The following ENTHD1 variants were observed in gnomAD, a reference collection of about 807,000 sequenced individuals.
The protein encoded by ENTHD1 is ENTH domain containing 1, also known as ENTH domain-containing protein 1.
ENTHD1 carries 23 observed loss-of-function variants against 39.1 expected under a neutral mutation model. That is an observed-to-expected ratio of 0.59 (90% CI 0.42 to 0.83). The LOEUF (loss-of-function observed/expected upper bound fraction) is 0.83, where lower values mean the gene tolerates loss of function less well. ENTHD1 is among the 40% of genes least tolerant of loss of function. The pLI, the probability that ENTHD1 is intolerant of heterozygous loss-of-function variation, is 0.00. For missense variants in ENTHD1, 624 were observed against 705.4 expected (o/e 0.88, Z 1.31); for synonymous variants, 230 against 258.2 (o/e 0.89, Z 1.05).
intron 3 of ENTHD1, among the ~76,000 whole-genome samples, chr22:39,851,111 T>C (rs11703179): frequency 0.098 from 14,924 of 152,200 alleles, 845 homozygotes; most frequent in Middle Eastern, 0.13. Context: ...TACACAATTA[T>C]AGGCTGTTAT....
At chr22:39,765,922 A>G (rs1227447336) in intron 5 of ENTHD1, among the ~76,000 whole-genome samples, 1 of 149,540 alleles carries the variant, frequency 6.7e-6, no homozygotes, top group African/African-American at 2.5e-5. Context: ...TGAAACCACC[A>G]TATTTTTAGT....
chr22:39,890,391 T>G (rs1340183900), intron 1 of ENTHD1, among the ~76,000 whole-genome samples: 1 of 152,062 alleles, frequency 6.6e-6, no homozygotes, highest in Non-Finnish European at 1.5e-5. Flanking sequence ...CTTTTTTTCC[T>G]TCTACCAAAC....
chr22:39,797,146 A>G (rs539248917), intron 5 of ENTHD1, among the ~76,000 whole-genome samples: 2 of 152,294 alleles, frequency 1.3e-5, no homozygotes, highest in South Asian at 4.1e-4. Flanking sequence ...TTTTTGACTT[A>G]AAGTCTGTTT....
intron 6 of ENTHD1, among the ~76,000 whole-genome samples, chr22:39,763,517 C>T (rs1427305166): frequency 6.6e-6 from 1 of 152,148 alleles, no homozygotes; most frequent in Non-Finnish European, 1.5e-5. Flanking sequence ...TTTTCTTCAG[C>T]TTCTATTATC....
At chr22:39,783,359 C>T (rs887942741) in intron 5 of ENTHD1, among the ~76,000 whole-genome samples, 2 of 152,076 alleles carry the variant, frequency 1.3e-5, no homozygotes, top group Non-Finnish European at 2.9e-5. Context: ...CAATCCCTAT[C>T]AAAATATCAA....
chr22:39,892,145 C>G (rs1193763420), intron 1 of ENTHD1, among the ~76,000 whole-genome samples: 1 of 152,204 alleles, frequency 6.6e-6, no homozygotes, highest in Admixed American at 6.5e-5. Flanking sequence ...ATGAACCTCA[C>G]ATTAAAACTT....
At chr22:39,834,283 G>C (rs1021148157) in intron 4 of ENTHD1, among the ~76,000 whole-genome samples, 2 of 151,890 alleles carry the variant, frequency 1.3e-5, no homozygotes, top group Non-Finnish European at 2.9e-5. Context: ...AAAACTCAAT[G>C]GTAAAAAGAA....
chr22:39,786,621 C>T (rs182290858), intron 5 of ENTHD1, among the ~76,000 whole-genome samples: 5 of 152,210 alleles, frequency 3.3e-5, no homozygotes, highest in African/African-American at 1.2e-4. Flanking sequence ...TCTTTCAGTT[C>T]AGCTGTACAA....
chr22:39,784,102 T>C (rs770415835), intron 5 of ENTHD1, among the ~76,000 whole-genome samples: 2 of 151,942 alleles, frequency 1.3e-5, no homozygotes, highest in Non-Finnish European at 2.9e-5. Flanking sequence ...TAAACATTTC[T>C]CAAAAGAAGA....
chr22:39,770,611 G>A (rs974928366), intron 5 of ENTHD1, among the ~76,000 whole-genome samples: 3 of 152,104 alleles, frequency 2.0e-5, no homozygotes, highest in Admixed American at 2.0e-4. Flanking sequence ...GTATGTGTAT[G>A]ATAAACACAT....
At chr22:39,745,611 A>G (rs1409433937) in intron 6 of ENTHD1, among the ~76,000 whole-genome samples, 1 of 152,232 alleles carries the variant, frequency 6.6e-6, no homozygotes, top group South Asian at 2.1e-4. Context: ...TCATCAGCAC[A>G]TGGTCAAGAA....
intron 4 of ENTHD1, among the ~76,000 whole-genome samples, chr22:39,830,357 G>A (rs112656228): frequency 1.1e-4 from 17 of 152,248 alleles, no homozygotes; most frequent in African/African-American, 3.9e-4. Flanking sequence ...TTACAGGTGC[G>A]AGCCACTGTG....
At chr22:39,887,243 C>T (rs1330163346) in intron 2 of ENTHD1, among the ~76,000 whole-genome samples, 157 bp downstream of exon 2, 1 of 152,078 alleles carries the variant, frequency 6.6e-6, no homozygotes. Flanking sequence ...CTATGTTGCC[C>T]AGGCCGGAGT....
At chr22:39,834,141 T>C (rs889572997) in intron 4 of ENTHD1, among the ~76,000 whole-genome samples, 1 of 152,128 alleles carries the variant, frequency 6.6e-6, no homozygotes, top group Non-Finnish European at 1.5e-5. Context: ...AAAATTTGAC[T>C]TCATTGAAAT....
At position 39,760,548 on chromosome 22, in the gene ENTHD1, T is replaced by C. The variant is rs2065224918; in HGVS notation, c.1219+4675A>G. ...CACTTCCCTCATAGATAGCATATAG[T>C]TGACTCTTGCTTTTCTATCCAATCT... On this transcript the variant is annotated intron_variant, in intron 6 of 6. Coordinates refer to ENST00000325157, the MANE Select transcript of ENTHD1 (RefSeq NM_152512.4). 2.0e-5 allele frequency among the ~76,000 whole-genome samples: 3 copies of C among 152,054 alleles called. No individual in the cohort carries two copies. In the South Asian group the frequency reaches 6.2e-4, roughly 31 times the overall value.
chr22:39,839,810 T>C (rs916773566), intron 3 of ENTHD1, among the ~76,000 whole-genome samples: 1 of 152,188 alleles, frequency 6.6e-6, no homozygotes, highest in Non-Finnish European at 1.5e-5. Context: ...AAATGTCAGA[T>C]GGTCAATTTT....
chr22:39,871,303 A>C (rs1473770010), intron 2 of ENTHD1, among the ~76,000 whole-genome samples: 1 of 152,186 alleles, frequency 6.6e-6, no homozygotes, highest in African/African-American at 2.4e-5. Flanking sequence ...ATAAAAGTTA[A>C]AATCTATCAA....
At chr22:39,814,463 G>T (rs190250481) in intron 5 of ENTHD1, among the ~76,000 whole-genome samples, 105 of 150,642 alleles carry the variant, frequency 7.0e-4, no homozygotes, top group African/African-American at 2.5e-3. Flanking sequence ...TTGTCTCAGG[G>T]AAAAAAAAAG....
At chr22:39,747,559 TA>T in intron 6 of ENTHD1, among the ~76,000 whole-genome samples, 1 of 152,198 alleles carries the variant, frequency 6.6e-6, no homozygotes, top group East Asian at 1.9e-4. Flanking sequence ...GTATAAAATT[TA>T]GAAGGCAGGT....
Sources: allele counts gnomAD v4.1 joint callset (sites outside exome capture counted in the v4.1 genomes callset), GRCh38; gene constraint gnomAD v4.1.1; transcripts MANE v1.5; gene names NCBI Gene and HGNC (gene_info 2026-07-23, HGNC 2026-07-21).